The following DACH2 variants were observed in gnomAD, a reference collection of about 807,000 sequenced individuals.
DACH2 encodes dachshund homolog 2.
In DACH2, 17 loss-of-function variants were observed where a neutral mutation model predicts 35.8. The observed-to-expected ratio is 0.48, with a 90% CI of 0.33 to 0.71. DACH2 has a LOEUF of 0.71. Ranked by LOEUF, DACH2 falls within the 30% of genes least tolerant of loss-of-function variation. DACH2 has a pLI of 0.02. For missense variants in DACH2, 469 were observed against 472.7 expected, an observed-to-expected ratio of 0.99 and a Z score of 0.07; for synonymous variants, 195 against 177.3, an observed-to-expected ratio of 1.10 and a Z score of -0.79.
At chrX:86,739,552 C>T (rs896949986) in intron 6 of DACH2, among the ~76,000 whole-genome samples, 195 bp from the exon 7 acceptor site, 1 of 111,595 alleles carries the variant, frequency 9.0e-6, no homozygotes, top group African/African-American at 3.3e-5. Context: ...TATAATTTAG[C>T]CCTCATGATA....
intron 1 of DACH2, among the ~76,000 whole-genome samples, chrX:86,231,765 C>A (rs780349731): frequency 2.7e-5 from 3 of 112,289 alleles, no homozygotes; most frequent in Non-Finnish European, 3.8e-5. Flanking sequence ...GGCTTTTCAT[C>A]CCGCTCAAAT....
intron 1 of DACH2, among the ~76,000 whole-genome samples, chrX:86,292,725 G>T (rs184601324): frequency 1.8e-5 from 2 of 111,715 alleles, no homozygotes; most frequent in Admixed American, 1.9e-4. Context: ...TTTCCATGTA[G>T]TTGAGCGGTT....
intron 7 of DACH2, among the ~76,000 whole-genome samples, chrX:86,756,481 T>A (rs2041830524): frequency 9.1e-6 from 1 of 109,840 alleles, no homozygotes; most frequent in Admixed American, 9.7e-5. Flanking sequence ...AGGTTTTTTT[T>A]TTTTTTTATT....
At chrX:86,497,987 G>C in intron 2 of DACH2, among the ~76,000 whole-genome samples, 1 of 110,381 alleles carries the variant, frequency 9.1e-6, no homozygotes, top group Admixed American at 9.7e-5. Context: ...GAGTGAGACT[G>C]TCTTTCAAAA....
chrX:86,787,148 G>A (rs1056414614), intron 7 of DACH2, among the ~76,000 whole-genome samples: 2 of 111,335 alleles, frequency 1.8e-5, no homozygotes, highest in African/African-American at 3.3e-5. Context: ...GCATGAAAAC[G>A]GACTAATACA....
chrX:86,754,696 G>A (rs772681194), intron 7 of DACH2, among the ~76,000 whole-genome samples: 1 of 110,948 alleles, frequency 9.0e-6, no homozygotes, highest in Non-Finnish European at 1.9e-5. Context: ...TTCTTTGCTG[G>A]GATAGTTTCA....
chrX:86,467,318 T>G (rs749526439), intron 2 of DACH2, among the ~76,000 whole-genome samples: 1 of 111,555 alleles, frequency 9.0e-6, no homozygotes, highest in Non-Finnish European at 1.9e-5. Flanking sequence ...TGCCAGTCTC[T>G]TTCCTAAAGC....
At chrX:86,201,359 TTAAA>T (rs1408978282) in intron 1 of DACH2, among the ~76,000 whole-genome samples, 1 of 110,234 alleles carries the variant, frequency 9.1e-6, no homozygotes, top group Non-Finnish European at 1.9e-5. Context: ...ACCTGGGTGA[TTAAA>T]TAATCTGTAC....
rs185775884 is a variant in DACH2 at position 86,305,268 on chromosome X, A to G, written c.489-71556A>G. 3.6e-5 allele frequency among the ~76,000 whole-genome samples: 4 copies of G among 112,030 alleles called. No individual in the cohort carries two copies. In the East Asian group the frequency reaches 1.1e-3, roughly 32 times the overall value. ...TTGGCCTGTCATGGGTGTATGTACT[A>G]TGCCAGCTCCTTAGCGGTCAGCCAG... is the stretch of plus-strand genomic sequence containing the variant. On this transcript the variant is annotated intron_variant, in intron 1 of 11. Coordinates refer to ENST00000373125, the MANE Select transcript of DACH2 (RefSeq NM_053281.3).
At chrX:86,466,223 A>T (rs1195308002) in intron 2 of DACH2, among the ~76,000 whole-genome samples, 1 of 111,700 alleles carries the variant, frequency 9.0e-6, no homozygotes, top group Non-Finnish European at 1.9e-5. Flanking sequence ...TGTAAGACTT[A>T]TTCAATTCAC....
chrX:86,577,826 C>T (rs2039454617), intron 3 of DACH2, among the ~76,000 whole-genome samples: 1 of 111,311 alleles, frequency 9.0e-6, no homozygotes, highest in African/African-American at 3.3e-5. Flanking sequence ...AGAGGGCTGG[C>T]TATGTAGAGC....
chrX:86,304,077 A>T (rs752630519), intron 1 of DACH2, among the ~76,000 whole-genome samples: 7 of 112,148 alleles, frequency 6.2e-5, no homozygotes, highest in Non-Finnish European at 1.3e-4. Flanking sequence ...AAATCCATGC[A>T]TTTACGGCCA....
At chrX:86,374,452 G>T (rs759537286) in intron 1 of DACH2, among the ~76,000 whole-genome samples, 1 of 110,663 alleles carries the variant, frequency 9.0e-6, no homozygotes, top group Non-Finnish European at 1.9e-5. Flanking sequence ...GTCCTAATGT[G>T]GTACAATCAT....
chrX:86,496,404 T>G (rs1329418521), intron 2 of DACH2, among the ~76,000 whole-genome samples: 2 of 111,261 alleles, frequency 1.8e-5, no homozygotes, highest in African/African-American at 6.5e-5. Flanking sequence ...TATTCAATAG[T>G]GTAGGTATAG....
In DACH2 at chrX:86,814,528, C is replaced by A. The variant is rs775628382; in HGVS notation, c.1538-160C>A. ...AGTAAATAAAGCACTCCTTAGATGA[C>A]CCTAATGAGCATTAGTACCAAAAGA... On this transcript the variant is annotated intron_variant, in intron 9 of 11. Transcript: ENST00000373125. Among the ~76,000 whole-genome samples, 13 of 111,746 alleles carry A rather than the reference C, an allele frequency of 1.2e-4. No individual in the cohort carries two copies. In the South Asian group the frequency reaches 3.7e-3, roughly 32 times the overall value.
intron 2 of DACH2, among the ~76,000 whole-genome samples, chrX:86,465,219 A>C (rs2037645554): frequency 8.9e-6 from 1 of 112,386 alleles, no homozygotes; most frequent in South Asian, 3.6e-4. Context: ...AAGTAGAGAC[A>C]GAGATTTACG....
chrX:86,625,314 A>G (rs1020440737), intron 3 of DACH2, among the ~76,000 whole-genome samples: 8 of 108,602 alleles, frequency 7.4e-5, no homozygotes, highest in Admixed American at 5.0e-4. Context: ...TATTTAATGG[A>G]GAAGTATTTT....
chrX:86,293,031 A>G (rs2034343563), intron 1 of DACH2, among the ~76,000 whole-genome samples: 1 of 96,071 alleles, frequency 1.0e-5, no homozygotes, highest in South Asian at 5.8e-4. Flanking sequence ...TGGGGTGTTA[A>G]AGTCTCCCAT....
chrX:86,360,228 T>C (rs1428491376), intron 1 of DACH2, among the ~76,000 whole-genome samples: 1 of 110,842 alleles, frequency 9.0e-6, no homozygotes, highest in Non-Finnish European at 1.9e-5. Context: ...ACTATAATCC[T>C]TTATATGACA....
Sources: gnomAD v4.1 joint callset for allele counts (sites outside exome capture counted in the v4.1 genomes callset) on GRCh38, gnomAD v4.1.1 for gene constraint, MANE v1.5 for transcripts, NCBI Gene and HGNC (gene_info 2026-07-23, HGNC 2026-07-21) for gene names.